The following FGFR1 variants were observed in gnomAD, a reference collection of about 807,000 sequenced individuals.
FGFR1 encodes the protein FGFR1/PLAG1 fusion.
FGFR1 carries 18 observed loss-of-function variants against 93.7 expected under a neutral mutation model. The ratio of observed to expected loss-of-function variants is 0.19; its 90% CI spans 0.13 to 0.28. The LOEUF (loss-of-function observed/expected upper bound fraction) is 0.28, where lower values mean the gene tolerates loss of function less well. FGFR1 is among the 10% of genes least tolerant of loss of function. FGFR1 has a pLI of 1.00. For missense variants in FGFR1, 731 were observed against 1,080.4 expected (o/e 0.68, Z 4.53); for synonymous variants, 448 against 429.3 (o/e 1.04, Z -0.54).
intron 2 of FGFR1, among the ~76,000 whole-genome samples, chr8:38,444,670 G>A (rs1183802800): frequency 6.6e-6 from 1 of 151,666 alleles, no homozygotes; most frequent in Non-Finnish European, 1.5e-5. Flanking sequence ...GGGATTACTG[G>A]CATGAGCCAC....
intron 4 of FGFR1, 116 bp from the exon 5 acceptor site, chr8:38,428,209 G>T: frequency 1.3e-6 from 2 of 1,501,724 alleles, no homozygotes; most frequent in South Asian, 1.1e-5. Context: ...CAACACCTGT[G>T]AGCAGTGCCT....
chr8:38,447,769 C>T lies in FGFR1; in HGVS notation c.91+9587G>A, dbSNP rs1262990920. ...GTGCTGGGATTATAGGTGTGAGCAA[C>T]TGCACCCGGCTGGTATTTATTATTA... On this transcript the variant is annotated intron_variant, in intron 2 of 17. Transcript: ENST00000447712. Among the ~76,000 whole-genome samples, 10 of 152,272 alleles carry T rather than the reference C, an allele frequency of 6.6e-5. No individual in the cohort carries two copies. The East Asian group carries it at 1.9e-3, about 29-fold the overall frequency.
intron 1 of FGFR1, chr8:38,461,049 G>A (rs757254179): frequency 4.6e-6 from 7 of 1,535,046 alleles, no homozygotes; most frequent in Non-Finnish European, 6.1e-6. Flanking sequence ...AGCAGAGAGG[G>A]GGCACATCTC....
chr8:38,422,930 G>GC, intron 7 of FGFR1: 1 of 695,928 alleles, frequency 1.4e-6, no homozygotes. Flanking sequence ...CAGTAGGGTG[G>GC]CAAGGACAGT....
At chr8:38,457,591 G>C (rs2151356476) in intron 1 of FGFR1, 57 bp from the exon 2 acceptor site, 4 of 1,512,400 alleles carry the variant, frequency 2.6e-6, no homozygotes, top group Middle Eastern at 1.7e-4. Flanking sequence ...GGAGGGGAAA[G>C]GAAAAACAGA....
intron 2 of FGFR1, among the ~76,000 whole-genome samples, chr8:38,456,415 C>T (rs550929814): frequency 4.6e-5 from 7 of 152,270 alleles, no homozygotes; most frequent in East Asian, 3.9e-4. Context: ...ATTTCCAACA[C>T]GCCATAGGTC....
chr8:38,423,467 G>T, intron 7 of FGFR1: 1 of 359,512 alleles, frequency 2.8e-6, no homozygotes, highest in Non-Finnish European at 5.2e-6. Context: ...GACTACAGGT[G>T]CCAACCACTA....
chr8:38,468,595 A>ACGCCGCGCCTGTGGC lies in FGFR1; in HGVS notation c.-718_-704dup, dbSNP rs1385551659. The ACGCCGCGCCTGTGGC allele has an allele frequency of 8.7e-6, 2 of 229,522 alleles. No homozygotes were observed. The highest frequency in any genetic ancestry group is 1.7e-5 in the Non-Finnish European group (2 of 115,606). The allele number at this position is 229,522 out of a possible 1,614,324, so 14.2% of individuals were successfully genotyped here. A position where few individuals can be genotyped will look rare whatever the true frequency, so the allele number is the denominator to read the frequency against. ...CGCTAGCTGCCGCCCGCCGCCGAGG[A>ACGCCGCGCCTGTGGC]CGCCGCGCCTGTGGCCGCAAGAGCG... On this transcript the variant is annotated 5_prime_UTR_variant, in exon 1 of 18. Coordinates refer to ENST00000447712, the MANE Select transcript of FGFR1 (RefSeq NM_023110.3).
chr8:38,427,879 CCT>C (rs1224823827), intron 5 of FGFR1, 40 bp downstream of exon 5: 35 of 1,611,766 alleles, frequency 2.2e-5, no homozygotes, highest in Non-Finnish European at 2.7e-5. Context: ...CTCGGCCTCC[CCT>C]GTTCCCATTA....
At chr8:38,434,329 C>CT (rs57569029) in intron 2 of FGFR1, 1,949 of 113,834 alleles carry the variant, frequency 0.017, 24 homozygotes, top group African/African-American at 0.037. Context: ...ATTGCTGCTG[C>CT]TTTTTTTTTT....
intron 2 of FGFR1, chr8:38,434,863 C>G (rs1212922628): frequency 1.3e-5 from 2 of 152,534 alleles, no homozygotes; most frequent in Admixed American, 1.3e-4. Flanking sequence ...TGTATTGCTT[C>G]TTTTTGTTTG....
chr8:38,436,799 A>C (rs1825620805), intron 2 of FGFR1, among the ~76,000 whole-genome samples: 1 of 152,064 alleles, frequency 6.6e-6, no homozygotes, highest in African/African-American at 2.4e-5. Flanking sequence ...GATTAATGAT[A>C]ATGAGGCCCT....
In FGFR1 at chr8:38,412,424, G is replaced by C; in HGVS notation, c.*1204C>G. ...GCCCCCTCCCCAGCCCAACCCCACCGGTTTCCTTGGAGGAAACCATCCATG... is the reference window on the plus strand; with the variant it reads ...GCCCCCTCCCCAGCCCAACCCCACCCGTTTCCTTGGAGGAAACCATCCATG... On this transcript the variant is annotated 3_prime_UTR_variant, in exon 18 of 18. Transcript: ENST00000447712. 8.9e-6 allele frequency: 2 copies of C among 225,422 alleles called. No individual in the cohort carries two copies. Among genetic ancestry groups the C allele is most frequent in the Non-Finnish European group, 8.8e-6 (1 of 113,134 alleles). 14.0% of individuals were successfully genotyped at this position (225,422 alleles called of 1,614,324 possible).
At chr8:38,437,711 A>G (rs920197463) in intron 2 of FGFR1, among the ~76,000 whole-genome samples, 2 of 152,222 alleles carry the variant, frequency 1.3e-5, no homozygotes, top group Admixed American at 6.5e-5. Context: ...GAAAACAGTA[A>G]CAAATAATGA....
intron 2 of FGFR1, among the ~76,000 whole-genome samples, chr8:38,456,246 C>T (rs1832800142): frequency 1.3e-5 from 2 of 152,208 alleles, no homozygotes; most frequent in Admixed American, 6.5e-5. Context: ...ACGAACCACA[C>T]TATCCTCTGG....
At chr8:38,431,799 G>C (rs1258108269) in intron 2 of FGFR1, among the ~76,000 whole-genome samples, 2 of 152,188 alleles carry the variant, frequency 1.3e-5, no homozygotes, top group African/African-American at 2.4e-5. Flanking sequence ...CGGTCAAGGG[G>C]AACACCACAA....
At chr8:38,432,695 CG>C (rs1377729455) in intron 2 of FGFR1, among the ~76,000 whole-genome samples, 2 of 152,098 alleles carry the variant, frequency 1.3e-5, no homozygotes, top group African/African-American at 4.8e-5. Context: ...GGCGCCCAGC[CG>C]GGATAATCTT....
chr8:38,414,107 G>T (rs1410524446), intron 16 of FGFR1, 45 bp downstream of exon 16: 1 of 1,614,116 alleles, frequency 6.2e-7, no homozygotes, highest in Middle Eastern at 1.6e-4. Flanking sequence ...GCCCACTCTT[G>T]CCCCAAGGCC....
chr8:38,426,820 A>G lies in FGFR1; in HGVS notation c.622-575T>C, dbSNP rs1820925348. 6.6e-6 allele frequency among the ~76,000 whole-genome samples: 1 copy of G among 152,162 alleles called. No individual in the cohort carries two copies. Among genetic ancestry groups the G allele is most frequent in the Non-Finnish European group, 1.5e-5 (1 of 68,020 alleles). On this transcript the variant is annotated intron_variant, in intron 5 of 17. Coordinates refer to ENST00000447712, the MANE Select transcript of FGFR1 (RefSeq NM_023110.3). This position sits in a 1 kb window ranked among gnomAD's most constrained non-coding sequence, Gnocchi z 4.1. ...TAGTGAGTGCATGGTGAATTAATTT[A>G]AAATATTTCTGGCTGGGTGCGGTGG...
Sources: gnomAD v4.1 joint callset for allele counts (sites outside exome capture counted in the v4.1 genomes callset) on GRCh38, gnomAD v4.1.1 for gene constraint, Gnocchi (gnomAD v3.1) non-coding constraint, MANE v1.5 for transcripts, NCBI Gene and HGNC (gene_info 2026-07-23, HGNC 2026-07-21) for gene names.